SPAG17: variants seen among roughly 807,000 people sequenced by gnomAD.
The protein encoded by SPAG17 is sperm associated antigen 17, also known as sperm-associated antigen 17.
In SPAG17, 169 loss-of-function variants were observed where a neutral mutation model predicts 273.6. That is an observed-to-expected ratio of 0.62 (90% confidence interval 0.55 to 0.70). The LOEUF (loss-of-function observed/expected upper bound fraction) is 0.70, where lower values mean the gene tolerates loss of function less well. SPAG17 is among the 30% of genes least tolerant of loss of function. The pLI, the probability that SPAG17 is intolerant of heterozygous loss-of-function variation, is 0.00. For synonymous variants in SPAG17, 825 were observed against 873.2 expected (o/e 0.94, Z 0.97); for missense variants, 2,557 against 2,627.8 (o/e 0.97, Z 0.59).
chr1:118,164,544 CACTATTCTCCT>C (rs1660074122), intron 1 of SPAG17, among the ~76,000 whole-genome samples: 1 of 152,162 alleles, frequency 6.6e-6, no homozygotes, highest in Non-Finnish European at 1.5e-5. Flanking sequence ...TTATTCTCAT[CACTATTCTCCT>C]AGTTCTACCT....
chr1:117,963,716 TA>T, intron 48 of SPAG17, 82 bp downstream of exon 48: 1 of 1,332,356 alleles, frequency 7.5e-7, no homozygotes, highest in Non-Finnish European at 1.0e-6. Flanking sequence ...TTTCTGACTA[TA>T]AGAAGAGGGG....
intron 32 of SPAG17, among the ~76,000 whole-genome samples, chr1:117,999,408 A>G (rs1467469445): frequency 6.6e-6 from 1 of 152,152 alleles, no homozygotes; most frequent in Non-Finnish European, 1.5e-5. Context: ...TCACCATACC[A>G]TCTTCCACAA....
chr1:117,985,381 G>A (rs1656295183), intron 40 of SPAG17, among the ~76,000 whole-genome samples: 3 of 152,188 alleles, frequency 2.0e-5, no homozygotes, highest in Admixed American at 2.0e-4. Context: ...AAAGAGGGCT[G>A]ACTCAACTGG....
At chr1:118,011,116 G>A (rs1032592863) in intron 30 of SPAG17, among the ~76,000 whole-genome samples, 1 of 152,168 alleles carries the variant, frequency 6.6e-6, no homozygotes, top group Admixed American at 6.5e-5. Flanking sequence ...CTTATACACT[G>A]CTGGTGGGAA....
chr1:118,150,745 G>A, intron 2 of SPAG17, 116 bp from the exon 3 acceptor site: 2 of 580,444 alleles, frequency 3.4e-6, no homozygotes. Flanking sequence ...TAGCAAGAAA[G>A]AGGTACCCAT....
Position 118,055,831 on chromosome 1 carries a change from T to A in SPAG17, c.2624A>T (p.Glu875Val). 1 of 1,613,216 alleles carries A rather than the reference T, an allele frequency of 6.2e-7. No individual in the cohort carries two copies. Reference sequence around the variant, plus strand: ...CTCAGCTCTGGTCCTGATGATTTTCTCATTCATTTTAGATTCCTGATATAT... The same window carrying A: ...CTCAGCTCTGGTCCTGATGATTTTCACATTCATTTTAGATTCCTGATATAT... ...EAIYQESKMNEKIIRTRAELE... is the reference protein window; with the variant it reads ...EAIYQESKMNVKIIRTRAELE... Residue 875 changes from glutamate to valine, a missense_variant, in exon 19 of 49, where the codon GAG becomes GTG. Glu to Val is a moderately radical substitution (Grantham distance 121, BLOSUM62 -2). Coordinates refer to ENST00000336338, the MANE Select transcript of SPAG17 (RefSeq NM_206996.4).
intron 29 of SPAG17, among the ~76,000 whole-genome samples, chr1:118,014,109 C>A (rs1478739866): frequency 3.3e-5 from 5 of 152,174 alleles, no homozygotes; most frequent in South Asian, 2.1e-4. Context: ...CTACCATTTG[C>A]TGTGTGACCT....
At chr1:118,014,719 A>T (rs1415691814) in intron 29 of SPAG17, among the ~76,000 whole-genome samples, 1 of 152,226 alleles carries the variant, frequency 6.6e-6, no homozygotes, top group Non-Finnish European at 1.5e-5. Flanking sequence ...TTCACACACA[A>T]GAGTTAAGGC....
intron 4 of SPAG17, among the ~76,000 whole-genome samples, chr1:118,102,225 T>A (rs1165228000): frequency 1.3e-5 from 2 of 152,180 alleles, no homozygotes; most frequent in African/African-American, 4.8e-5. Context: ...CCCCAGTGGT[T>A]TGAAGGCAGG....
intron 3 of SPAG17, among the ~76,000 whole-genome samples, chr1:118,121,957 T>C (rs1440602042): frequency 1.3e-5 from 2 of 152,250 alleles, no homozygotes; most frequent in Admixed American, 6.5e-5. Context: ...CAAGGGGCTA[T>C]GTTTATTATT....
At position 118,099,645 on chromosome 1, in the gene SPAG17, C is replaced by T; in HGVS notation, c.790G>A (p.Ala264Thr). ...AGAACTTCCTGCTGCTGGTTAACTG[C>T]TGCCAGGTGTGTCTGCAGAGGTTCA... Reference protein sequence around the residue: ...NYEPLQTHLAAVNQQQEVLLQ... With the variant: ...NYEPLQTHLATVNQQQEVLLQ... The change falls in exon 6 of 49, where the codon GCA becomes ACA. Residue 264 changes from alanine (A) to threonine (T), a missense_variant. Coordinates refer to ENST00000336338, the MANE Select transcript of SPAG17 (RefSeq NM_206996.4). 1 of 1,614,110 alleles carries T rather than the reference C, an allele frequency of 6.2e-7. No homozygotes were observed. Among genetic ancestry groups the T allele is most frequent in the Middle Eastern group, 1.7e-4 (1 of 6,052 alleles).
chr1:118,021,206 CAATT>C (rs573884523), intron 28 of SPAG17, among the ~76,000 whole-genome samples: 248 of 151,800 alleles, frequency 1.6e-3, no homozygotes, highest in Non-Finnish European at 2.8e-3. Context: ...AAATTAATAT[CAATT>C]AAACTGTGAT....
chr1:118,014,117 C>T (rs1192176288), intron 29 of SPAG17, among the ~76,000 whole-genome samples: 1 of 152,112 alleles, frequency 6.6e-6, no homozygotes, highest in African/African-American at 2.4e-5. Context: ...TGCTGTGTGA[C>T]CTTGGGCAAA....
At chr1:117,995,262 A>T (rs1015475155) in intron 34 of SPAG17, among the ~76,000 whole-genome samples, 3 of 152,100 alleles carry the variant, frequency 2.0e-5, no homozygotes, top group African/African-American at 7.2e-5. Context: ...ATTCTCTCAT[A>T]GAACTATGTT....
At chr1:118,173,115 C>A (rs185487964) in intron 1 of SPAG17, among the ~76,000 whole-genome samples, 1 of 151,762 alleles carries the variant, frequency 6.6e-6, no homozygotes, top group Non-Finnish European at 1.5e-5. Flanking sequence ...AGCTCCAGTC[C>A]CTCTTTGCCC....
chr1:118,146,272 TC>T (rs1388304249), intron 3 of SPAG17, among the ~76,000 whole-genome samples: 3 of 152,228 alleles, frequency 2.0e-5, no homozygotes, highest in African/African-American at 7.2e-5. Flanking sequence ...CGAGAACATT[TC>T]AGTTGGTTTT....
chr1:118,064,741 ATAAAAT>A (rs1467197026), intron 18 of SPAG17, among the ~76,000 whole-genome samples: 1 of 151,486 alleles, frequency 6.6e-6, no homozygotes, highest in Non-Finnish European at 1.5e-5. Flanking sequence ...TATAATAATA[ATAAAAT>A]TAAAAATAAA....
chr1:118,157,013 T>A (rs1659684864), intron 1 of SPAG17, among the ~76,000 whole-genome samples: 1 of 152,108 alleles, frequency 6.6e-6, no homozygotes, highest in Non-Finnish European at 1.5e-5. Flanking sequence ...TGTTTAGCGA[T>A]GTGTTGAAGC....
chr1:118,005,867 G>GC (rs1376494007), intron 31 of SPAG17, among the ~76,000 whole-genome samples: 1 of 152,022 alleles, frequency 6.6e-6, no homozygotes. Flanking sequence ...ATTGTCTTAT[G>GC]CCCCCTTATT....
Sources: allele counts gnomAD v4.1 joint callset (sites outside exome capture counted in the v4.1 genomes callset), GRCh38; gene constraint gnomAD v4.1.1; transcripts MANE v1.5; gene names NCBI Gene and HGNC (gene_info 2026-07-23, HGNC 2026-07-21).